The following TRIOBP variants were observed in gnomAD, a reference collection of about 807,000 sequenced individuals.
The protein encoded by TRIOBP is TRIO and F-actin binding protein, also known as TRIO and F-actin-binding protein.
A neutral mutation model predicts 238.8 loss-of-function variants in TRIOBP; 169 were observed. The observed-to-expected ratio is 0.71, with a 90% CI of 0.62 to 0.80. The LOEUF is 0.80. Among genes scored for constraint, TRIOBP ranks in the 30% least tolerant of loss-of-function variants. The pLI is 0.00. For missense variants in TRIOBP, 2,838 were observed against 3,122.6 expected, an observed-to-expected ratio of 0.91 and a Z score of 2.17; for synonymous variants, 1,150 against 1,274.4, an observed-to-expected ratio of 0.90 and a Z score of 2.08.
At chr22:37,741,123 G>A in intron 11 of TRIOBP, 91 bp downstream of exon 11, 3 of 1,506,198 alleles carry the variant, frequency 2.0e-6, no homozygotes, top group Non-Finnish European at 2.7e-6. Context: ...AGGAGAGAGA[G>A]TGGGGGCTGA....
chr22:37,769,500 C>T, intron 21 of TRIOBP, 125 bp downstream of exon 21: 1 of 926,576 alleles, frequency 1.1e-6, no homozygotes, highest in South Asian at 1.4e-5. Flanking sequence ...GCTGGGCCAG[C>T]CTGACTAGGC....
chr22:37,771,748 C>T lies in TRIOBP; in HGVS notation c.6936+12C>T, dbSNP rs749560738. 40 of 1,613,402 alleles carry T rather than the reference C, an allele frequency of 2.5e-5. 1 individual carries two copies. The Middle Eastern group carries it at 2.1e-3, about 87-fold the overall frequency. ...AGATGATGCAGAAGGTAGGTCCTTC[C>T]GCTGGGCTGGGGGCCGTCGGGGACT... On this transcript the variant is annotated intron_variant, in intron 22 of 23. Coordinates refer to ENST00000644935, the MANE Select transcript of TRIOBP (RefSeq NM_001039141.3).
intron 7 of TRIOBP, among the ~76,000 whole-genome samples, chr22:37,728,274 A>AAG (rs1376343877): frequency 2.0e-5 from 3 of 151,542 alleles, no homozygotes; most frequent in African/African-American, 7.3e-5. Flanking sequence ...AAAAAAAAAA[A>AAG]AAAAAAAAAA....
In TRIOBP at chr22:37,715,820, G is replaced by A; in HGVS notation, c.514G>A (p.Val172Met). The A allele has an allele frequency of 6.2e-7, 1 of 1,614,122 alleles. No individual in the cohort carries two copies. The highest frequency in any genetic ancestry group is 8.5e-7 in the Non-Finnish European group (1 of 1,180,012). The change falls in exon 6 of 24, where the codon GTG (valine) becomes ATG (methionine). Residue 172 changes from valine (V) to methionine (M), a missense_variant. Val to Met is a conservative substitution (Grantham distance 21). Transcript: ENST00000644935. Reference protein sequence around the residue: ...EEAPSWDELAVMIPRRPREGP... With the variant: ...EEAPSWDELAMMIPRRPREGP... ...GGCCCCCAGCTGGGACGAGCTCGCA[G>A]TGATGATCCCGAGGAGGCCTCGGGA...
At chr22:37,759,428 G>C in intron 17 of TRIOBP, 164 bp downstream of exon 17, 1 of 1,355,500 alleles carries the variant, frequency 7.4e-7, no homozygotes. Context: ...TGGTGGGCGT[G>C]ATCACTGTGC....
intron 11 of TRIOBP, among the ~76,000 whole-genome samples, chr22:37,748,964 G>A (rs1456026654): frequency 6.6e-6 from 1 of 152,100 alleles, no homozygotes; most frequent in Non-Finnish European, 1.5e-5. Flanking sequence ...AATATGCAGT[G>A]GTATAAACAG....
At chr22:37,755,059 C>A in intron 13 of TRIOBP, 42 bp from the exon 14 acceptor site, 3 of 1,610,990 alleles carry the variant, frequency 1.9e-6, no homozygotes, top group Non-Finnish European at 2.5e-6. Context: ...GGGTGGGTCA[C>A]ACCAGGGCCC....
At chr22:37,773,131 A>G (rs763651718) in intron 23 of TRIOBP, among the ~76,000 whole-genome samples, 6 of 152,142 alleles carry the variant, frequency 3.9e-5, no homozygotes, top group Non-Finnish European at 8.8e-5. Context: ...CCGGGCTTCT[A>G]TCCCAGTTAG....
At chr22:37,746,071 C>A (rs922154408) in intron 11 of TRIOBP, among the ~76,000 whole-genome samples, 18 of 148,242 alleles carry the variant, frequency 1.2e-4, no homozygotes, top group African/African-American at 4.4e-4. Flanking sequence ...CCCGCCGCCC[C>A]GCCGCCCTAG....
chr22:37,734,317 T>A, intron 8 of TRIOBP, 82 bp from the exon 9 acceptor site: 3 of 1,318,952 alleles, frequency 2.3e-6, no homozygotes, highest in Non-Finnish European at 3.2e-6. Flanking sequence ...CAGCCTTGAC[T>A]CTCTGGGGGC....
At chr22:37,722,887 C>T (rs562492345) in intron 6 of TRIOBP, among the ~76,000 whole-genome samples, 1 of 152,232 alleles carries the variant, frequency 6.6e-6, no homozygotes, top group African/African-American at 2.4e-5. Flanking sequence ...AAATTTGCTT[C>T]TTCTCTGTCT....
rs780905214 is a variant in TRIOBP, at chr22:37,725,923, T to G, written c.3367T>G (p.Ser1123Ala). The stretch of plus-strand genomic sequence containing the variant: ...TGGGTACCGAGATGCACCCCGGGCC[T>G]CCTCCCCACCACGCCAGGCCCCAGA... ...CIGYRDAPRA[S>A]SPPRQAPEPS... Residue 1123 changes from serine to alanine, a missense_variant, in exon 7 of 24, where the codon TCC becomes GCC. Around this residue, in one of 5 missense-constraint regions of TRIOBP, gnomAD observed 2,096 missense variants for 2,137.4 expected, o/e 0.98. Transcript: ENST00000644935. 2.5e-6 allele frequency: 4 copies of G among 1,612,900 alleles called. No individual in the cohort carries two copies. The African/African-American group carries it at 5.4e-5, about 22-fold the overall frequency.
chr22:37,734,664 T>C lies in TRIOBP; in HGVS notation c.4328T>C (p.Leu1443Pro). ...PPGSQGPHRH[L>P]ERSWSSQEGG... ...GGGTCCCAGGGCCCTCATAGACACC[T>C]AGAAAGGAGCTGGAGCAGCCAGGAG... is the stretch of plus-strand genomic sequence containing the variant. The change falls in exon 9 of 24, where the codon CTA (leucine) becomes CCA (proline). Residue 1443 changes from leucine to proline, a missense_variant. Leu to Pro is a moderately conservative substitution (Grantham distance 98, BLOSUM62 -3). Coordinates refer to ENST00000644935, the MANE Select transcript of TRIOBP (RefSeq NM_001039141.3). The C allele has an allele frequency of 6.3e-7, 1 of 1,599,508 alleles. No individual in the cohort carries two copies. Among genetic ancestry groups the C allele is most frequent in the Non-Finnish European group, 8.5e-7 (1 of 1,173,670 alleles).
intron 3 of TRIOBP, among the ~76,000 whole-genome samples, chr22:37,704,904 CAAAAAA>C (rs55816795): frequency 7.6e-6 from 1 of 131,324 alleles, no homozygotes; most frequent in Non-Finnish European, 1.6e-5. Context: ...CCATTTCTAC[CAAAAAA>C]AAAAAAAAAA....
At chr22:37,719,642 T>C (rs533152178) in intron 6 of TRIOBP, among the ~76,000 whole-genome samples, 3 of 152,240 alleles carry the variant, frequency 2.0e-5, no homozygotes, top group African/African-American at 7.2e-5. Context: ...TTCCAGGCCT[T>C]GTGCTAAATA....
intron 3 of TRIOBP, among the ~76,000 whole-genome samples, chr22:37,703,503 CTTT>C (rs372141125): frequency 4.0e-5 from 5 of 124,548 alleles, no homozygotes; most frequent in Non-Finnish European, 3.4e-5. Context: ...TGAAGGTCCT[CTTT>C]TTTTTTTTTT....
chr22:37,733,271 CAGA>C (rs1205894783), intron 7 of TRIOBP, 24 bp from the exon 8 acceptor site: 1 of 1,518,646 alleles, frequency 6.6e-7, no homozygotes, highest in East Asian at 2.5e-5. Context: ...GACAGTCCCT[CAGA>C]GGAGTGGCTG....
intron 12 of TRIOBP, among the ~76,000 whole-genome samples, chr22:37,753,385 C>G (rs10427904): frequency 0.09 from 13,769 of 152,234 alleles, 2,070 homozygotes; most frequent in African/African-American, 0.31. Context: ...AGCGATTCTC[C>G]TGCCTCAGCC....
rs1352283728 is a variant in TRIOBP, at chr22:37,765,824, AC to A, written c.6472+10del. On this transcript the variant is annotated splice_region_variant and intron_variant, in intron 18 of 23. Transcript: ENST00000644935. Reference sequence around the variant, plus strand: ...ACGGCAGCCACGGCCTCAGGTATGGACCCTGGGGGGGGCACAGTGGGCTGGG... The same window carrying A: ...ACGGCAGCCACGGCCTCAGGTATGGACCTGGGGGGGGCACAGTGGGCTGGG... The A allele has an allele frequency of 6.6e-7, 1 of 1,516,330 alleles. No homozygotes were observed. Among genetic ancestry groups the A allele is most frequent in the African/African-American group, 2.2e-5 (1 of 46,042 alleles). 93.9% of individuals were successfully genotyped at this position (1,516,330 alleles called of 1,614,324 possible).
Sources: gnomAD v4.1 joint callset for allele counts (sites outside exome capture counted in the v4.1 genomes callset) on GRCh38, gnomAD v4.1.1 for gene constraint, gnomAD v4.1.1 regional missense constraint, MANE v1.5 for transcripts, NCBI Gene and HGNC (gene_info 2026-07-23, HGNC 2026-07-21) for gene names.